Variants in CCN4 observed in about 807,000 individuals in gnomAD.
CCN4 encodes the protein cellular communication network factor 4.
In CCN4, 30 loss-of-function variants were observed where a neutral mutation model predicts 36.7. The observed-to-expected ratio is 0.82, with a 90% CI of 0.61 to 1.11. The LOEUF (loss-of-function observed/expected upper bound fraction) is 1.11, where lower values mean the gene tolerates loss of function less well. Among genes scored for constraint, CCN4 ranks in the 50% least tolerant of loss-of-function variants. The pLI is 0.00. For synonymous variants in CCN4, 191 were observed against 195.4 expected (o/e 0.98, Z 0.19); for missense variants, 505 against 504.9 (o/e 1.00, Z 0.00).
chr8:133,198,653 T>C (rs890996531), intron 1 of CCN4, among the ~76,000 whole-genome samples: 8 of 152,232 alleles, frequency 5.3e-5, no homozygotes, highest in African/African-American at 1.9e-4. Flanking sequence ...TCTGAACTGG[T>C]GGCCTCCTCC....
chr8:133,229,831 T>C lies in CCN4; in HGVS notation c.*2121T>C, dbSNP rs1196651737. The C allele has an allele frequency of 6.6e-6, 1 of 152,270 alleles. No individual in the cohort carries two copies. Among genetic ancestry groups the C allele is most frequent in the Non-Finnish European group, 1.5e-5 (1 of 68,046 alleles). 9.4% of individuals were successfully genotyped at this position (152,270 alleles called of 1,614,324 possible). Reference sequence around the variant, plus strand: ...ATTTAATATTTCAAAGAAATGCATATGTATGTATACATATATTTGTGTATG... The same window carrying C: ...ATTTAATATTTCAAAGAAATGCATACGTATGTATACATATATTTGTGTATG... On this transcript the variant is annotated 3_prime_UTR_variant, in exon 5 of 5. Transcript: ENST00000250160.
chr8:133,199,198 G>A (rs1043784374), intron 1 of CCN4, among the ~76,000 whole-genome samples: 1 of 152,244 alleles, frequency 6.6e-6, no homozygotes, highest in Non-Finnish European at 1.5e-5. Context: ...ACAGAACGAG[G>A]AGTCAGGAGA....
chr8:133,214,507 G>T (rs916870583), intron 2 of CCN4, among the ~76,000 whole-genome samples: 2 of 151,438 alleles, frequency 1.3e-5, no homozygotes, highest in Non-Finnish European at 2.9e-5. Context: ...GTTTGGAGGT[G>T]GTTGTTGTTG....
intron 1 of CCN4, among the ~76,000 whole-genome samples, chr8:133,203,348 G>A (rs767108529): frequency 2.6e-5 from 4 of 152,208 alleles, no homozygotes; most frequent in Non-Finnish European, 4.4e-5. Context: ...CATAGTAGAC[G>A]CTTGGTACAT....
chr8:133,227,338 G>T, intron 4 of CCN4, 73 bp from the exon 5 acceptor site: 1 of 1,488,570 alleles, frequency 6.7e-7, no homozygotes, highest in South Asian at 1.3e-5. Flanking sequence ...GGGAAAAACT[G>T]GGGGCTCAGG....
At position 133,220,514 on chromosome 8, in the gene CCN4, A is replaced by G. The variant is rs1171817360; in HGVS notation, c.350-67A>G. On this transcript the variant is annotated intron_variant, in intron 2 of 4. Transcript: ENST00000250160. Reference sequence around the variant, plus strand: ...GGGGCATGGTCCACATGGAGCCCCTATAAAGGCAGCTGGGCCAGCCAGGGG... The same window carrying G: ...GGGGCATGGTCCACATGGAGCCCCTGTAAAGGCAGCTGGGCCAGCCAGGGG... 2.2e-5 allele frequency: 35 copies of G among 1,578,678 alleles called. 1 individual carries two copies. In the South Asian group the frequency reaches 3.7e-4, roughly 17 times the overall value.
At chr8:133,205,823 T>C (rs1853752874) in intron 1 of CCN4, among the ~76,000 whole-genome samples, 1 of 152,162 alleles carries the variant, frequency 6.6e-6, no homozygotes, top group African/African-American at 2.4e-5. Flanking sequence ...TTTTTTTGTA[T>C]TGTTTAGCTG....
chr8:133,202,784 A>G (rs1327545144), intron 1 of CCN4, among the ~76,000 whole-genome samples: 1 of 152,106 alleles, frequency 6.6e-6, no homozygotes, highest in Non-Finnish European at 1.5e-5. Flanking sequence ...GCCCCACTTG[A>G]AGGGGAGCCC....
chr8:133,205,159 G>A (rs912053368), intron 1 of CCN4, among the ~76,000 whole-genome samples: 2 of 152,226 alleles, frequency 1.3e-5, no homozygotes, highest in Non-Finnish European at 2.9e-5. Flanking sequence ...AAGTGAGCAG[G>A]ACCAGGCTGT....
intron 2 of CCN4, among the ~76,000 whole-genome samples, chr8:133,217,692 T>G (rs1254745248): frequency 6.6e-6 from 1 of 152,124 alleles, no homozygotes; most frequent in Non-Finnish European, 1.5e-5. Flanking sequence ...AGGATTCACC[T>G]GGGGAACTTT....
At chr8:133,213,545 A>T (rs1854145227) in intron 2 of CCN4, among the ~76,000 whole-genome samples, 1 of 152,004 alleles carries the variant, frequency 6.6e-6, no homozygotes, top group South Asian at 2.1e-4. Flanking sequence ...ATTAAAAAAT[A>T]TGGTTTTAAA....
At chr8:133,212,724 G>T (rs575798426) in intron 1 of CCN4, 140 bp from the exon 2 acceptor site, 610 of 686,752 alleles carry the variant, frequency 8.9e-4, no homozygotes, top group Non-Finnish European at 9.5e-4. Flanking sequence ...GAGATGTTTG[G>T]CTATCAAAAG....
At chr8:133,222,259 G>T (rs1051098780) in intron 3 of CCN4, among the ~76,000 whole-genome samples, 1 of 152,160 alleles carries the variant, frequency 6.6e-6, no homozygotes, top group Non-Finnish European at 1.5e-5. Context: ...GCTTGAGTAA[G>T]ACTGAAGGTC....
rs1209238220 is a variant in CCN4, at chr8:133,191,225, C to T, written c.69+12C>T. 1.2e-6 allele frequency: 2 copies of T among 1,603,604 alleles called. No individual in the cohort carries two copies. Among genetic ancestry groups the T allele is most frequent in the Non-Finnish European group, 1.7e-6 (2 of 1,178,894 alleles). ...CCGTCCTGGCCACGGTGAGTCCTGC[C>T]TGGAGGGGCTCAGAGGGAGACCCAG... On this transcript the variant is annotated intron_variant, in intron 1 of 4. Coordinates refer to ENST00000250160, the MANE Select transcript of CCN4 (RefSeq NM_003882.4).
chr8:133,212,781 G>A, intron 1 of CCN4, 83 bp from the exon 2 acceptor site: 1 of 1,069,054 alleles, frequency 9.4e-7, no homozygotes, highest in Non-Finnish European at 1.3e-6. Flanking sequence ...ACAGCATGAG[G>A]ACAGGAATGC....
intron 2 of CCN4, 41 bp from the exon 3 acceptor site, chr8:133,220,540 C>A: frequency 6.3e-7 from 1 of 1,594,936 alleles, no homozygotes; most frequent in South Asian, 1.1e-5. Context: ...CAGCCAGGGG[C>A]ACCAAGGCCA....
At chr8:133,208,214 C>T (rs959768051) in intron 1 of CCN4, among the ~76,000 whole-genome samples, 2 of 152,158 alleles carry the variant, frequency 1.3e-5, no homozygotes, top group Admixed American at 6.5e-5. Context: ...GCAAGACAGT[C>T]CCCAAGTGGT....
chr8:133,211,643 A>T (rs1854039411), intron 1 of CCN4, among the ~76,000 whole-genome samples: 1 of 152,190 alleles, frequency 6.6e-6, no homozygotes, highest in African/African-American at 2.4e-5. Context: ...CTCTGCTTCC[A>T]GATGGAGGGA....
intron 1 of CCN4, among the ~76,000 whole-genome samples, chr8:133,202,952 GT>G (rs1853640836): frequency 6.6e-6 from 1 of 152,244 alleles, no homozygotes; most frequent in African/African-American, 2.4e-5. Flanking sequence ...TTCTCTCACG[GT>G]CCCCAGGGCT....
Sources: allele counts gnomAD v4.1 joint callset (sites outside exome capture counted in the v4.1 genomes callset), GRCh38; gene constraint gnomAD v4.1.1; transcripts MANE v1.5; gene names NCBI Gene and HGNC (gene_info 2026-07-23, HGNC 2026-07-21).